Variants in KIF15 observed in about 807,000 individuals in gnomAD.
KIF15 encodes the protein kinesin-like protein KIF15.
KIF15 carries 140 observed loss-of-function variants against 190.6 expected under a neutral mutation model. That is an observed-to-expected ratio of 0.73 (90% CI 0.64 to 0.84). The LOEUF is 0.84. Among genes scored for constraint, KIF15 ranks in the 40% least tolerant of loss-of-function variants. The probability of loss-of-function intolerance (pLI) is 0.00; values close to 1 mark genes in which losing one functional copy is unlikely to be tolerated. For missense variants in KIF15, 1,372 were observed against 1,584.4 expected (o/e 0.87, Z 2.28); for synonymous variants, 528 against 551.3 (o/e 0.96, Z 0.59).
chr3:44,829,795 T>C (rs368897145), intron 24 of KIF15, among the ~76,000 whole-genome samples, 176 bp from the exon 25 acceptor site: 5 of 144,156 alleles, frequency 3.5e-5, no homozygotes, highest in African/African-American at 1.3e-4. Flanking sequence ...AATATATGCA[T>C]ATATAATATA....
At chr3:44,814,108 CAAAA>C (rs1707923850) in intron 19 of KIF15, among the ~76,000 whole-genome samples, 2 of 152,008 alleles carry the variant, frequency 1.3e-5, no homozygotes, top group South Asian at 4.1e-4. Context: ...AAAGCTAAAA[CAAAA>C]AGAGATAGCC....
At chr3:44,815,439 T>C (rs1707989205) in intron 20 of KIF15, among the ~76,000 whole-genome samples, 1 of 152,186 alleles carries the variant, frequency 6.6e-6, no homozygotes, top group African/African-American at 2.4e-5. Context: ...CCAATAGCCA[T>C]GTATTATCCC....
intron 1 of KIF15, among the ~76,000 whole-genome samples, chr3:44,771,490 G>A (rs749102673): frequency 1.3e-5 from 2 of 152,180 alleles, no homozygotes; most frequent in African/African-American, 2.4e-5. Flanking sequence ...TCTTCTGGAT[G>A]TGTCAGGGGC....
intron 26 of KIF15, among the ~76,000 whole-genome samples, chr3:44,837,554 A>G (rs1400712620): frequency 1.3e-5 from 2 of 151,856 alleles, no homozygotes; most frequent in African/African-American, 4.9e-5. Flanking sequence ...ATGTGTGTAT[A>G]TATATCTGTG....
intron 7 of KIF15, among the ~76,000 whole-genome samples, chr3:44,789,979 G>A (rs1706605428): frequency 6.6e-6 from 1 of 151,958 alleles, no homozygotes; most frequent in Non-Finnish European, 1.5e-5. Flanking sequence ...ATTTACCCAG[G>A]TTTTGGTGGA....
At chr3:44,859,613 T>G (rs1013562812) in intron 6 of KIF15, among the ~76,000 whole-genome samples, 2 of 152,170 alleles carry the variant, frequency 1.3e-5, no homozygotes, top group Non-Finnish European at 2.9e-5. Flanking sequence ...TGAGCTATGA[T>G]CCACCACTGT....
Position 44,775,368 on chromosome 3 carries a change from C to G in KIF15, c.177C>G (p.Leu59=), listed in dbSNP as rs934386581. The G allele has an allele frequency of 1.2e-6, 2 of 1,614,006 alleles. No individual in the cohort carries two copies. The highest frequency in any genetic ancestry group is 2.2e-5 in the South Asian group (2 of 91,058). ...TATCTGTGCTGTCCTCCACGAGTCT[C>G]CGGCTGCACTCCAACCCTGAGCCCA... The part of the protein sequence containing the change: ...LCLSVLSSTS[L]RLHSNPEPKT... The change falls in exon 3 of 35, where the codon CTC becomes CTG. Residue 59 remains leucine, a synonymous_variant. Coordinates refer to ENST00000326047, the MANE Select transcript of KIF15 (RefSeq NM_020242.3).
intron 6 of KIF15, among the ~76,000 whole-genome samples, chr3:44,858,902 G>A (rs1244410265): frequency 2.0e-5 from 3 of 152,210 alleles, no homozygotes; most frequent in Non-Finnish European, 2.9e-5. Context: ...TGTCCGTGAC[G>A]GTCCAGGGGG....
At chr3:44,778,618 C>G (rs1706008861) in intron 4 of KIF15, among the ~76,000 whole-genome samples, 1 of 152,122 alleles carries the variant, frequency 6.6e-6, no homozygotes, top group Non-Finnish European at 1.5e-5. Context: ...GGATTACACT[C>G]CAAGGTAGAG....
At chr3:44,852,526 C>T in intron 34 of KIF15, 147 bp from the exon 35 acceptor site, 1 of 795,684 alleles carries the variant, frequency 1.3e-6, no homozygotes, top group Non-Finnish European at 1.9e-6. Context: ...ATTTCATAGA[C>T]AGCAGATTCT....
intron 11 of KIF15, 123 bp from the exon 12 acceptor site, chr3:44,801,327 C>T (rs1042001596): frequency 4.0e-5 from 23 of 571,254 alleles, no homozygotes; most frequent in African/African-American, 3.3e-4. Flanking sequence ...CCACTGTGCC[C>T]GGCCACAGTC....
At chr3:44,861,926 T>C (rs1002915752) in intron 6 of KIF15, 2 of 1,450,080 alleles carry the variant, frequency 1.4e-6, no homozygotes, top group Admixed American at 5.5e-5. Flanking sequence ...GCAGGCAACA[T>C]GGCCGAGAGG....
intron 1 of KIF15, among the ~76,000 whole-genome samples, chr3:44,763,502 G>A (rs959427184): frequency 3.3e-5 from 5 of 151,164 alleles, no homozygotes; most frequent in South Asian, 2.1e-4. Context: ...GGGTTTCACT[G>A]TGTTGGCCAG....
intron 17 of KIF15, among the ~76,000 whole-genome samples, chr3:44,811,736 A>C (rs941897591): frequency 1.1e-4 from 16 of 152,212 alleles, no homozygotes; most frequent in African/African-American, 3.9e-4. Flanking sequence ...TGATTATTCC[A>C]GAATTTTTAT....
rs537121464 is a variant in KIF15 at position 44,789,269 on chromosome 3, C to T, written c.639+2695C>T. On this transcript the variant is annotated intron_variant, in intron 7 of 34. Transcript: ENST00000326047. ...CACACAAGTTTTAATATTTTAATTA[C>T]GGTGTAGATCCAAATATTTTTCTAC... 2.6e-4 allele frequency among the ~76,000 whole-genome samples: 40 copies of T among 151,920 alleles called. No individual in the cohort carries two copies. In the South Asian group the frequency reaches 4.4e-3, roughly 17 times the overall value.
chr3:44,831,769 C>T lies in KIF15; in HGVS notation c.3171+751C>T, dbSNP rs1252667544. Among the ~76,000 whole-genome samples the T allele has an allele frequency of 2.0e-5, 3 of 152,196 alleles. No individual in the cohort carries two copies. In the East Asian group the frequency reaches 5.8e-4, roughly 29 times the overall value. On this transcript the variant is annotated intron_variant, in intron 26 of 34. Coordinates refer to ENST00000326047, the MANE Select transcript of KIF15 (RefSeq NM_020242.3). ...CCAGCCCTTCCTATTCCTCAGCTAC[C>T]CCCATGTTTTCAGTTTCTTGTGTAA...
chr3:44,785,895 T>C (rs1396210302), intron 6 of KIF15, among the ~76,000 whole-genome samples: 3 of 152,138 alleles, frequency 2.0e-5, no homozygotes, highest in Admixed American at 6.5e-5. Context: ...GCACCACAGT[T>C]TGATGCAGCT....
At chr3:44,864,439 C>A (rs570699396) in intron 6 of KIF15, 66 of 1,500,606 alleles carry the variant, frequency 4.4e-5, no homozygotes, top group Admixed American at 1.1e-4. Flanking sequence ...GGAGAAAGGA[C>A]AGGAACTGAA....
chr3:44,799,659 CA>C (rs1317425470), intron 10 of KIF15, among the ~76,000 whole-genome samples: 2 of 150,186 alleles, frequency 1.3e-5, no homozygotes, highest in Non-Finnish European at 3.0e-5. Flanking sequence ...TCCTGCCCCA[CA>C]GTGGCACATT....
Sources: gnomAD v4.1 joint callset for allele counts (sites outside exome capture counted in the v4.1 genomes callset) on GRCh38, gnomAD v4.1.1 for gene constraint, MANE v1.5 for transcripts, NCBI Gene and HGNC (gene_info 2026-07-23, HGNC 2026-07-21) for gene names.